Variants in FREM3 observed in about 807,000 individuals in gnomAD.
FREM3 encodes FRAS1 related extracellular matrix 3.
FREM3 carries 105 observed loss-of-function variants against 129.1 expected under a neutral mutation model. The ratio of observed to expected loss-of-function variants is 0.81; its 90% CI spans 0.69 to 0.96. The LOEUF is 0.96. FREM3 is among the 40% of genes least tolerant of loss of function. The pLI, the probability that FREM3 is intolerant of heterozygous loss-of-function variation, is 0.00. For missense variants in FREM3, 2,593 were observed against 2,666.3 expected (o/e 0.97, Z 0.61); for synonymous variants, 1,014 against 1,044.9 (o/e 0.97, Z 0.57).
At chr4:143,636,849 G>C (rs1161587861) in intron 2 of FREM3, among the ~76,000 whole-genome samples, 1 of 152,080 alleles carries the variant, frequency 6.6e-6, no homozygotes, top group African/African-American at 2.4e-5. Context: ...TTTACCAAAT[G>C]ATAAAGTGGC....
At chr4:143,593,974 A>C (rs1374559239) in intron 6 of FREM3, among the ~76,000 whole-genome samples, 1 of 152,148 alleles carries the variant, frequency 6.6e-6, no homozygotes, top group Non-Finnish European at 1.5e-5. Flanking sequence ...GTTTGATGTC[A>C]GACTGCTGTG....
chr4:143,584,006 A>G (rs1738193155), intron 7 of FREM3, among the ~76,000 whole-genome samples: 1 of 152,254 alleles, frequency 6.6e-6, no homozygotes, highest in South Asian at 2.1e-4. Flanking sequence ...TTAAAAGGCC[A>G]CAGAGTTGCA....
intron 2 of FREM3, among the ~76,000 whole-genome samples, chr4:143,678,486 C>T (rs1740189772): frequency 6.6e-6 from 1 of 152,032 alleles, no homozygotes; most frequent in South Asian, 2.1e-4. Context: ...CACATGTATA[C>T]ATATGTAACA....
chr4:143,623,491 A>C, intron 4 of FREM3, among the ~76,000 whole-genome samples: 1 of 84,042 alleles, frequency 1.2e-5, no homozygotes, highest in Non-Finnish European at 2.3e-5. Flanking sequence ...GATGAATACT[A>C]ATCCCCCCCC....
intron 2 of FREM3, among the ~76,000 whole-genome samples, chr4:143,642,809 T>C (rs1383597071): frequency 2.7e-5 from 4 of 150,914 alleles, no homozygotes; most frequent in Admixed American, 2.6e-4. Flanking sequence ...ACTCACATGC[T>C]TTTGCACAGC....
intron 2 of FREM3, among the ~76,000 whole-genome samples, chr4:143,667,906 G>A (rs1739892937): frequency 6.6e-6 from 1 of 152,010 alleles, no homozygotes; most frequent in African/African-American, 2.4e-5. Flanking sequence ...TCATAACAAG[G>A]CATTCTGTTT....
intron 6 of FREM3, among the ~76,000 whole-genome samples, chr4:143,589,149 C>T (rs962457657): frequency 1.3e-5 from 2 of 152,126 alleles, no homozygotes; most frequent in Admixed American, 6.6e-5. Context: ...AGCCCTTTGT[C>T]AGATGAGTAG....
intron 4 of FREM3, among the ~76,000 whole-genome samples, chr4:143,623,493 T>TA (rs1738989130): frequency 5.8e-5 from 4 of 68,520 alleles, no homozygotes; most frequent in East Asian, 7.0e-4. Flanking sequence ...TGAATACTAA[T>TA]CCCCCCCCCC....
At position 143,677,581 on chromosome 4, in the gene FREM3, G is replaced by T. The variant is rs534656631; in HGVS notation, c.5275+15532C>A. ...ACTAAAGAGCTTCTGGACAGCAAAA[G>T]AAACTACCGTCAGAGTGAACAGGCA... is the stretch of plus-strand genomic sequence containing the variant. On this transcript the variant is annotated intron_variant, in intron 2 of 7. Transcript: ENST00000329798. Among the ~76,000 whole-genome samples, 144 of 152,278 alleles carry T rather than the reference G, an allele frequency of 9.5e-4. 1 individual carries two copies. The highest frequency in any genetic ancestry group is 2.5e-3 in the Admixed American group (38 of 15,298).
intron 2 of FREM3, among the ~76,000 whole-genome samples, chr4:143,650,981 A>G: frequency 6.6e-6 from 1 of 152,246 alleles, no homozygotes; most frequent in East Asian, 1.9e-4. Flanking sequence ...TGGCAAGTAA[A>G]CAAACTCAGT....
intron 2 of FREM3, among the ~76,000 whole-genome samples, chr4:143,646,497 C>A (rs1330534685): frequency 6.6e-6 from 1 of 152,106 alleles, no homozygotes; most frequent in Non-Finnish European, 1.5e-5. Context: ...ATCATGGGGG[C>A]AGTTTCAGCC....
intron 2 of FREM3, among the ~76,000 whole-genome samples, chr4:143,659,005 T>C (rs1234294803): frequency 1.3e-5 from 2 of 151,092 alleles, no homozygotes; most frequent in East Asian, 3.9e-4. Flanking sequence ...TGCCTACTCA[T>C]TCAGGTCTCA....
intron 1 of FREM3, among the ~76,000 whole-genome samples, chr4:143,694,279 G>A (rs1289678303): frequency 6.6e-6 from 1 of 152,164 alleles, no homozygotes; most frequent in Non-Finnish European, 1.5e-5. Flanking sequence ...GGAGAGCCAG[G>A]TCTATTTGGT....
Position 143,636,478 on chromosome 4 carries a change from A to C in FREM3, c.5276-8718T>G, listed in dbSNP as rs1417129877. Reference sequence around the variant, plus strand: ...GAAGAAAAATAGAAATCTGAGGAATAGGAATGGCTTAGAAAGTGACTATTA... The same window carrying C: ...GAAGAAAAATAGAAATCTGAGGAATCGGAATGGCTTAGAAAGTGACTATTA... On this transcript the variant is annotated intron_variant, in intron 2 of 7. Coordinates refer to ENST00000329798, the MANE Select transcript of FREM3 (RefSeq NM_001168235.2). Among the ~76,000 whole-genome samples the C allele has an allele frequency of 7.2e-5, 11 of 152,092 alleles. No homozygotes were observed. The East Asian group carries it at 2.1e-3, about 29-fold the overall frequency.
chr4:143,699,753 C>T lies in FREM3; in HGVS notation c.923G>A (p.Ser308Asn). The T allele has an allele frequency of 6.6e-7, 1 of 1,521,318 alleles. No individual in the cohort carries two copies. The highest frequency in any genetic ancestry group is 8.8e-7 in the Non-Finnish European group (1 of 1,137,788). The allele number at this position is 1,521,318 out of a possible 1,614,324, so 94.2% of individuals were successfully genotyped here. A position where few individuals can be genotyped will look rare whatever the true frequency, so the allele number is the denominator to read the frequency against. The change falls in exon 1 of 8, where the codon AGC becomes AAC. Residue 308 changes from serine to asparagine, a missense_variant. Transcript: ENST00000329798. This position sits in a 1 kb window ranked among gnomAD's most constrained non-coding sequence, Gnocchi z 4.2. ...GGAENTPPRP[S>N]FMATMMMEVD... Reference sequence around the variant, plus strand: ...CTCCATCATCATCGTGGCCATGAAGCTGGGCCTGGGCGGTGTGTTCTCGGC... The same window carrying T: ...CTCCATCATCATCGTGGCCATGAAGTTGGGCCTGGGCGGTGTGTTCTCGGC...
rs573680214 is a variant in FREM3, at chr4:143,682,697, T to C, written c.5275+10416A>G. 4.6e-5 allele frequency among the ~76,000 whole-genome samples: 7 copies of C among 152,236 alleles called. No individual in the cohort carries two copies. In the South Asian group the frequency reaches 6.2e-4, roughly 14 times the overall value. ...ACTTGTAGTCACTACCCTTTACCAT[T>C]AACATTAGCTGATAATTGTAAAGAT... is the stretch of plus-strand genomic sequence containing the variant. On this transcript the variant is annotated intron_variant, in intron 2 of 7. Transcript: ENST00000329798.
At position 143,577,324 on chromosome 4, in the gene FREM3, T is replaced by G. The variant is rs1738056171; in HGVS notation, c.*287A>C. Reference sequence around the variant, plus strand: ...TAATTCTTTGATCTTAACTTTTGATTTAATTGATCACAGTGGATTTCTTAC... The same window carrying G: ...TAATTCTTTGATCTTAACTTTTGATGTAATTGATCACAGTGGATTTCTTAC... On this transcript the variant is annotated 3_prime_UTR_variant, in exon 8 of 8. Coordinates refer to ENST00000329798, the MANE Select transcript of FREM3 (RefSeq NM_001168235.2). The G allele has an allele frequency of 4.3e-6, 2 of 463,042 alleles. No individual in the cohort carries two copies. The highest frequency in any genetic ancestry group is 1.1e-4 in the South Asian group (2 of 17,506). The allele number at this position is 463,042 out of a possible 1,614,324, so 28.7% of individuals were successfully genotyped here. A position where few individuals can be genotyped will look rare whatever the true frequency, so the allele number is the denominator to read the frequency against.
chr4:143,595,092 A>G (rs1190192206), intron 6 of FREM3, among the ~76,000 whole-genome samples: 2 of 152,254 alleles, frequency 1.3e-5, no homozygotes, highest in African/African-American at 2.4e-5. Flanking sequence ...ATTTAAAATG[A>G]GTTCAGTGTT....
Position 143,592,934 on chromosome 4 carries a change from G to A in FREM3, c.6029-6941C>T, listed in dbSNP as rs542791773. Reference sequence around the variant, plus strand: ...CCCATATTTCTTGGAGGCTTTGCTCGTTTCTTTTTATTCTTTTTTCTCTAA... The same window carrying A: ...CCCATATTTCTTGGAGGCTTTGCTCATTTCTTTTTATTCTTTTTTCTCTAA... On this transcript the variant is annotated intron_variant, in intron 6 of 7. Transcript: ENST00000329798. Among the ~76,000 whole-genome samples the A allele has an allele frequency of 3.3e-3, 496 of 152,180 alleles. 1 individual carries two copies. Among genetic ancestry groups the A allele is most frequent in the African/African-American group, 0.011 (439 of 41,526 alleles).
Sources: allele counts gnomAD v4.1 joint callset (sites outside exome capture counted in the v4.1 genomes callset), GRCh38; gene constraint gnomAD v4.1.1; non-coding constraint Gnocchi (gnomAD v3.1); transcripts MANE v1.5; gene names NCBI Gene and HGNC (gene_info 2026-07-23, HGNC 2026-07-21).